The following EDA variants were observed in gnomAD, a reference collection of about 807,000 sequenced individuals.
EDA encodes ectodysplasin A.
A neutral mutation model predicts 23.6 loss-of-function variants in EDA; 2 were observed. The observed-to-expected ratio is 0.08, with a 90% confidence interval of 0.03 to 0.27. The LOEUF is 0.27. Ranked by LOEUF, EDA falls within the 10% of genes least tolerant of loss-of-function variation. The pLI, the probability that EDA is intolerant of heterozygous loss-of-function variation, is 1.00. For synonymous variants in EDA, 131 were observed against 132.0 expected, an observed-to-expected ratio of 0.99 and a Z score of 0.05; for missense variants, 229 against 324.2, an observed-to-expected ratio of 0.71 and a Z score of 2.26.
chrX:69,832,713 C>A (rs964544216), intron 1 of EDA, among the ~76,000 whole-genome samples: 6 of 111,050 alleles, frequency 5.4e-5, no homozygotes, highest in South Asian at 3.8e-4. Flanking sequence ...CTTTTATTTC[C>A]TTGAGCAGTG....
chrX:69,927,581 C>T (rs2018540038), intron 1 of EDA, among the ~76,000 whole-genome samples: 1 of 111,060 alleles, frequency 9.0e-6, no homozygotes, highest in Non-Finnish European at 1.9e-5. Context: ...CTGCCCTTAA[C>T]ACTTTTTCCT....
At chrX:69,834,073 A>G (rs1418668608) in intron 1 of EDA, among the ~76,000 whole-genome samples, 1 of 108,068 alleles carries the variant, frequency 9.3e-6, no homozygotes, top group Non-Finnish European at 1.9e-5. Flanking sequence ...TGTCCTTGTG[A>G]TAGTTTGCTG....
chrX:69,756,827 A>T (rs1461749494), intron 1 of EDA: 2 of 111,687 alleles, frequency 1.8e-5, no homozygotes, highest in Non-Finnish European at 3.8e-5. Context: ...CCAATTCCAT[A>T]CCAGCTAGTT....
chrX:70,014,208 C>T (rs2019915621), intron 2 of EDA, among the ~76,000 whole-genome samples: 1 of 112,770 alleles, frequency 8.9e-6, no homozygotes, highest in Admixed American at 9.3e-5. Flanking sequence ...AGAGGGAGCA[C>T]AGCTGAAGAC....
intron 1 of EDA, among the ~76,000 whole-genome samples, chrX:69,736,182 GT>G (rs2013248784): frequency 9.1e-6 from 1 of 109,721 alleles, no homozygotes; most frequent in Non-Finnish European, 1.9e-5. Context: ...GGCGCATGCT[GT>G]AATCCCAGCT....
At chrX:69,788,944 A>T (rs924466750) in intron 1 of EDA, among the ~76,000 whole-genome samples, 1 of 109,839 alleles carries the variant, frequency 9.1e-6, no homozygotes, top group African/African-American at 3.3e-5. Context: ...AATCAGCGAG[A>T]CTCCGTGGGC....
chrX:69,763,416 G>A (rs910766925), intron 1 of EDA, among the ~76,000 whole-genome samples: 2 of 111,772 alleles, frequency 1.8e-5, no homozygotes, highest in Non-Finnish European at 3.8e-5. Flanking sequence ...AATGAAAAAT[G>A]TTTTCTGAAG....
chrX:69,832,951 G>T (rs1426822143), intron 1 of EDA, among the ~76,000 whole-genome samples: 6 of 111,390 alleles, frequency 5.4e-5, no homozygotes, highest in African/African-American at 2.0e-4. Flanking sequence ...TGAGACAATG[G>T]GGTTTTCTAA....
At chrX:69,805,566 A>G (rs769232595) in intron 1 of EDA, among the ~76,000 whole-genome samples, 3 of 111,616 alleles carry the variant, frequency 2.7e-5, no homozygotes, top group Non-Finnish European at 5.7e-5. Context: ...TTAAAAAACA[A>G]GTTTCACTTT....
At chrX:70,031,313 C>T (rs1448884361) in intron 6 of EDA, among the ~76,000 whole-genome samples, 2 of 112,106 alleles carry the variant, frequency 1.8e-5, no homozygotes, top group Non-Finnish European at 1.9e-5. Flanking sequence ...CTGACTCTTT[C>T]CTCTCCCCTG....
intron 2 of EDA, among the ~76,000 whole-genome samples, chrX:69,998,891 ACTGTAAGTCCATTAAAC>A (rs1479370019): frequency 1.3e-4 from 14 of 111,283 alleles, no homozygotes; most frequent in African/African-American, 4.6e-4. Context: ...GCCACGTGGA[ACTGTAAGTCCATTAAAC>A]CTCTTTTTCT....
intron 1 of EDA, among the ~76,000 whole-genome samples, chrX:69,872,447 T>C (rs2017579888): frequency 8.9e-6 from 1 of 111,964 alleles, no homozygotes; most frequent in African/African-American, 3.2e-5. Flanking sequence ...ACTTAAAAGA[T>C]ATAGAATGGC....
chrX:70,037,512 T>C lies in EDA; in HGVS notation c.*1903T>C, dbSNP rs1377140962. The C allele has an allele frequency of 8.9e-6, 1 of 112,290 alleles. No individual in the cohort carries two copies. Among genetic ancestry groups the C allele is most frequent in the Non-Finnish European group, 1.9e-5 (1 of 53,298 alleles). 9.3% of individuals were successfully genotyped at this position (112,290 alleles called of 1,213,427 possible). On this transcript the variant is annotated 3_prime_UTR_variant, in exon 8 of 8. Transcript: ENST00000374552. ...CCTTTGAAGAAGGCAAGGCTGATAATATGACAAACATCATTGTTTAGATGA... is the reference window on the plus strand; with the variant it reads ...CCTTTGAAGAAGGCAAGGCTGATAACATGACAAACATCATTGTTTAGATGA...
chrX:69,744,330 T>C (rs1428478954), intron 1 of EDA, among the ~76,000 whole-genome samples: 3 of 111,876 alleles, frequency 2.7e-5, no homozygotes, highest in African/African-American at 9.8e-5. Context: ...AAGTATCTTG[T>C]CCAAGATTAT....
intron 1 of EDA, among the ~76,000 whole-genome samples, chrX:69,952,749 C>CTCT (rs2018946185): frequency 8.9e-6 from 1 of 111,874 alleles, no homozygotes; most frequent in African/African-American, 3.2e-5. Flanking sequence ...CTCAACTCTC[C>CTCT]TCTTCTGGGG....
chrX:69,827,987 G>A (rs777887614), intron 1 of EDA, among the ~76,000 whole-genome samples: 4 of 110,819 alleles, frequency 3.6e-5, no homozygotes, highest in African/African-American at 1.3e-4. Context: ...CCCCTGCTGG[G>A]GGGTGCCTCC....
chrX:69,774,979 A>G (rs1217896712), intron 1 of EDA, among the ~76,000 whole-genome samples: 2 of 111,001 alleles, frequency 1.8e-5, no homozygotes, highest in African/African-American at 6.5e-5. Flanking sequence ...TTTAGGATAA[A>G]CTCCATACAT....
At chrX:69,782,366 T>TAAAAAAAAAAAAAA (rs751293381) in intron 1 of EDA, among the ~76,000 whole-genome samples, 6 of 65,481 alleles carry the variant, frequency 9.2e-5, no homozygotes, top group African/African-American at 4.6e-4. Context: ...TAAATGCTCT[T>TAAAAAAAAAAAAAA]AAAAAAAAAA....
chrX:69,782,235 A>C (rs2014966373), intron 1 of EDA, among the ~76,000 whole-genome samples: 1 of 109,377 alleles, frequency 9.1e-6, no homozygotes, highest in Admixed American at 9.9e-5. Context: ...GAGTGCCATC[A>C]AGATGGGGAT....
Sources: gnomAD v4.1 joint callset for allele counts (sites outside exome capture counted in the v4.1 genomes callset) on GRCh38, gnomAD v4.1.1 for gene constraint, MANE v1.5 for transcripts, NCBI Gene and HGNC (gene_info 2026-07-23, HGNC 2026-07-21) for gene names.